CNGB3: variants seen among roughly 807,000 people sequenced by gnomAD.
The protein encoded by CNGB3 is cyclic nucleotide-gated channel beta-3.
A neutral mutation model predicts 92.8 loss-of-function variants in CNGB3; 86 were observed. That is an observed-to-expected ratio of 0.93 (90% CI 0.78 to 1.11). The LOEUF (loss-of-function observed/expected upper bound fraction) is 1.11, where lower values mean the gene tolerates loss of function less well. CNGB3 is among the 50% of genes least tolerant of loss of function. CNGB3 has a pLI of 0.00. For missense variants in CNGB3, 1,026 were observed against 956.8 expected, an observed-to-expected ratio of 1.07 and a Z score of -0.95; for synonymous variants, 333 against 332.7, an observed-to-expected ratio of 1.00 and a Z score of -0.01.
At chr8:86,644,924 T>C (rs1823268313) in intron 8 of CNGB3, among the ~76,000 whole-genome samples, 1 of 151,180 alleles carries the variant, frequency 6.6e-6, no homozygotes, top group Non-Finnish European at 1.5e-5. Flanking sequence ...TATAGTCTTA[T>C]TTTTAATGTT....
intron 9 of CNGB3, 34 bp from the exon 10 acceptor site, chr8:86,643,907 T>A: frequency 1.3e-6 from 2 of 1,594,662 alleles, no homozygotes; most frequent in Non-Finnish European, 1.7e-6. Flanking sequence ...GTAAGATTCA[T>A]GTTGTTTCTG....
intron 3 of CNGB3, among the ~76,000 whole-genome samples, chr8:86,671,403 G>A (rs1228442910): frequency 6.6e-6 from 1 of 152,188 alleles, no homozygotes; most frequent in Non-Finnish European, 1.5e-5. Context: ...TGGTGGGGCA[G>A]GCAGAAGCCT....
At chr8:86,705,884 C>T (rs757319094) in intron 3 of CNGB3, among the ~76,000 whole-genome samples, 93 of 152,160 alleles carry the variant, frequency 6.1e-4, no homozygotes, top group African/African-American at 2.0e-3. Flanking sequence ...GTGGGTGATA[C>T]AGAACCAGAT....
intron 3 of CNGB3, among the ~76,000 whole-genome samples, chr8:86,701,695 G>C (rs1824559806): frequency 6.6e-6 from 1 of 152,040 alleles, no homozygotes; most frequent in South Asian, 2.1e-4. Context: ...TCTCTTACTG[G>C]ACAATCACTA....
At chr8:86,706,263 C>T (rs1160362785) in intron 3 of CNGB3, among the ~76,000 whole-genome samples, 1 of 142,978 alleles carries the variant, frequency 7.0e-6, no homozygotes, top group Non-Finnish European at 1.6e-5. Flanking sequence ...AGGCAAACAG[C>T]CCCTCTCTTC....
chr8:86,604,118 C>CT lies in CNGB3; in HGVS notation c.1755dup (p.Ala586SerfsTer50). The stretch of plus-strand genomic sequence containing the variant: ...CTGATTTCTCCAAACACCGACCCAG[C>CT]TTTCAGAGTAACCAGAACTTTAGTA... On this transcript the variant is annotated frameshift_variant, in exon 15 of 18. Coordinates refer to ENST00000320005, the MANE Select transcript of CNGB3 (RefSeq NM_019098.5). LOFTEE classifies it high-confidence loss of function. 6.2e-7 allele frequency: 1 copy of CT among 1,612,936 alleles called. No individual in the cohort carries two copies. Among genetic ancestry groups the CT allele is most frequent in the Non-Finnish European group, 8.5e-7 (1 of 1,178,970 alleles).
At chr8:86,739,073 G>C (rs1274015769) in intron 2 of CNGB3, among the ~76,000 whole-genome samples, 1 of 152,154 alleles carries the variant, frequency 6.6e-6, no homozygotes, top group Non-Finnish European at 1.5e-5. Flanking sequence ...TAATGCAGTA[G>C]AATATACCGT....
At chr8:86,633,136 A>G (rs542060239) in intron 10 of CNGB3, among the ~76,000 whole-genome samples, 16 of 152,190 alleles carry the variant, frequency 1.1e-4, no homozygotes, top group Non-Finnish European at 2.1e-4. Flanking sequence ...TAGTCTAAAT[A>G]ACCACCATTT....
At chr8:86,732,199 G>A (rs1825168623) in intron 2 of CNGB3, among the ~76,000 whole-genome samples, 1 of 152,110 alleles carries the variant, frequency 6.6e-6, no homozygotes. Context: ...TTAAAACAGG[G>A]TATGCTTTCC....
At chr8:86,661,864 G>C in intron 6 of CNGB3, 1 of 1,176,316 alleles carries the variant, frequency 8.5e-7, no homozygotes, top group Non-Finnish European at 1.3e-6. Flanking sequence ...ACTGATGTCA[G>C]ATTTGGGTCA....
chr8:86,690,846 T>G (rs1824297458), intron 3 of CNGB3, among the ~76,000 whole-genome samples: 1 of 152,282 alleles, frequency 6.6e-6, no homozygotes, highest in Non-Finnish European at 1.5e-5. Flanking sequence ...TTTTGTCAGG[T>G]TTGTCAAAGA....
At chr8:86,742,559 C>A (rs780921937) in intron 1 of CNGB3, among the ~76,000 whole-genome samples, 1 of 152,140 alleles carries the variant, frequency 6.6e-6, no homozygotes, top group African/African-American at 2.4e-5. Flanking sequence ...GAGGAGCACT[C>A]CTGCTTGTAC....
intron 2 of CNGB3, among the ~76,000 whole-genome samples, chr8:86,735,557 C>T (rs140756195): frequency 1.3e-3 from 201 of 152,114 alleles, no homozygotes; most frequent in African/African-American, 4.7e-3. Context: ...GGAGAGAATC[C>T]TTTCTTTCTT....
intron 10 of CNGB3, among the ~76,000 whole-genome samples, chr8:86,641,868 C>CA (rs1456604731): frequency 6.6e-6 from 1 of 151,822 alleles, no homozygotes. Flanking sequence ...AAAATTACAA[C>CA]AGGTAATTTA....
At chr8:86,658,938 C>G (rs3779797) in intron 6 of CNGB3, 1 of 1,018,342 alleles carries the variant, frequency 9.8e-7, no homozygotes, top group African/African-American at 1.5e-5. Flanking sequence ...CTCCTGCTCT[C>G]GGTTCAGGAG....
intron 3 of CNGB3, among the ~76,000 whole-genome samples, chr8:86,689,509 A>T (rs35037348): frequency 0.1 from 14,576 of 143,106 alleles, 777 homozygotes; most frequent in Admixed American, 0.14. Context: ...ATATATATAT[A>T]TTTTTTTTAC....
chr8:86,635,101 C>T (rs755036119), intron 10 of CNGB3, among the ~76,000 whole-genome samples: 1 of 151,962 alleles, frequency 6.6e-6, no homozygotes, highest in Non-Finnish European at 1.5e-5. Context: ...CTTCCTTGGA[C>T]TTACTAATAT....
intron 3 of CNGB3, among the ~76,000 whole-genome samples, chr8:86,687,142 G>A (rs755317357): frequency 4.6e-5 from 7 of 151,976 alleles, no homozygotes; most frequent in African/African-American, 1.4e-4. Flanking sequence ...GTGTTGGTGA[G>A]TTTGTGGAGT....
intron 3 of CNGB3, among the ~76,000 whole-genome samples, chr8:86,708,316 A>G (rs59526746): frequency 0.055 from 8,398 of 152,156 alleles, 760 homozygotes; most frequent in African/African-American, 0.19. Context: ...GGACGGTAGC[A>G]GTCAAAGGAG....
Sources: allele counts gnomAD v4.1 joint callset (sites outside exome capture counted in the v4.1 genomes callset), GRCh38; gene constraint gnomAD v4.1.1; transcripts MANE v1.5; gene names NCBI Gene and HGNC (gene_info 2026-07-23, HGNC 2026-07-21).